Variants in DNASE1 observed in about 807,000 individuals in gnomAD.
DNASE1 encodes the protein deoxyribonuclease-1.
Under a neutral mutation model 33.9 loss-of-function variants are expected in DNASE1, and 40 were observed. The observed-to-expected ratio is 1.18, with a 90% CI of 0.92 to 1.54. DNASE1 has a LOEUF of 1.54. Among genes scored for constraint, DNASE1 ranks in the 40% most tolerant of loss-of-function variants. DNASE1 has a pLI of 0.00. For missense variants in DNASE1, 518 were observed against 372.6 expected (o/e 1.39, Z -3.21); for synonymous variants, 216 against 160.0 (o/e 1.35, Z -2.64).
intron 1 of DNASE1, among the ~76,000 whole-genome samples, chr16:3,649,148 G>A (rs1186008941): frequency 6.6e-6 from 1 of 152,206 alleles, no homozygotes; most frequent in African/African-American, 2.4e-5. Context: ...TGGATTAGAA[G>A]GGACAGAGGC....
chr16:3,662,086 T>G, downstream of DNASE1: 1 of 1,613,136 alleles, frequency 6.2e-7, no homozygotes, highest in South Asian at 1.1e-5. Context: ...AGCCCCCATC[T>G]CCAGCACGGT....
chr16:3,644,089 A>G (rs1299435532), intron 1 of DNASE1, among the ~76,000 whole-genome samples: 2 of 152,238 alleles, frequency 1.3e-5, no homozygotes, highest in Non-Finnish European at 2.9e-5. Context: ...ATTGTTTCAT[A>G]GAATTGGAAT....
chr16:3,614,237 C>T (rs2041020589), intron 1 of DNASE1, among the ~76,000 whole-genome samples: 1 of 151,286 alleles, frequency 6.6e-6, no homozygotes, highest in African/African-American at 2.4e-5. Flanking sequence ...CTAGTAGAGA[C>T]GGGGTTTCAC....
intron 1 of DNASE1, among the ~76,000 whole-genome samples, chr16:3,628,947 G>C (rs1186326230): frequency 6.7e-6 from 1 of 148,286 alleles, no homozygotes. Flanking sequence ...CGAGGCGGGC[G>C]GATCACTTGA....
At chr16:3,654,177 GCTGCC>G (rs879697594), upstream of DNASE1, 3 of 395,590 alleles carry the variant, frequency 7.6e-6, no homozygotes, top group Non-Finnish European at 1.3e-5. Context: ...GCCTTTAGCT[GCTGCC>G]CTGCCCTTGT....
chr16:3,615,604 G>T (rs1033896220), intron 1 of DNASE1, among the ~76,000 whole-genome samples: 2 of 152,216 alleles, frequency 1.3e-5, no homozygotes, highest in Non-Finnish European at 2.9e-5. Context: ...ACTAAAAGGT[G>T]CAGACAGTCC....
chr16:3,645,402 T>C (rs987928008), intron 1 of DNASE1, among the ~76,000 whole-genome samples: 1 of 152,248 alleles, frequency 6.6e-6, no homozygotes, highest in Middle Eastern at 3.2e-3. Context: ...CAGTTCGCCT[T>C]GTGGCTTTGT....
exon 10 of DNASE1, chr16:3,663,219 G>A (rs1038318313): frequency 3.5e-5 from 25 of 712,362 alleles, no homozygotes; most frequent in African/African-American, 1.8e-4. Flanking sequence ...AGAAGCCACC[G>A]TGGCAGGAGC....
chr16:3,662,690 C>T (rs566757082), downstream of DNASE1: 93 of 697,564 alleles, frequency 1.3e-4, 1 homozygote, highest in South Asian at 8.2e-4. Context: ...GAGAAAGACA[C>T]GGCCTTCCTG....
chr16:3,629,623 C>CT (rs1567191783), intron 1 of DNASE1, among the ~76,000 whole-genome samples: 1 of 152,198 alleles, frequency 6.6e-6, no homozygotes, highest in Non-Finnish European at 1.5e-5. Context: ...TTACTCTCCA[C>CT]TTTTTTGGAA....
intron 1 of DNASE1, among the ~76,000 whole-genome samples, chr16:3,618,081 A>T (rs1324690879): frequency 7.4e-6 from 1 of 134,818 alleles, no homozygotes; most frequent in Non-Finnish European, 1.5e-5. Context: ...GAAGAAGCCA[A>T]GACCAAAAAA....
At chr16:3,662,960 C>T (rs1244689018), downstream of DNASE1, 2 of 1,609,914 alleles carry the variant, frequency 1.2e-6, no homozygotes, top group Non-Finnish European at 1.7e-6. Context: ...CTGATAGGCA[C>T]TCGGCGGCTG....
upstream of DNASE1, among the ~76,000 whole-genome samples, chr16:3,650,287 A>G (rs1404674432): frequency 6.6e-6 from 1 of 152,222 alleles, no homozygotes; most frequent in Non-Finnish European, 1.5e-5. Context: ...AGTAGAAACC[A>G]CGAGTTATTA....
At chr16:3,640,950 G>A (rs1205560488), upstream of DNASE1, 32 of 398,602 alleles carry the variant, frequency 8.0e-5, no homozygotes, top group East Asian at 1.8e-4. Flanking sequence ...TGGCTCCACC[G>A]TGACTCCAGT....
downstream of DNASE1, chr16:3,661,095 T>C (rs1206478368): frequency 1.9e-4 from 29 of 152,106 alleles, no homozygotes; most frequent in Admixed American, 1.9e-3. Context: ...TACAAGTTAG[T>C]TCATATACAA....
At chr16:3,661,878 C>G (rs560086287), downstream of DNASE1, 3 of 1,379,108 alleles carry the variant, frequency 2.2e-6, no homozygotes, top group Admixed American at 5.5e-5. Flanking sequence ...CCCACATGTC[C>G]ACAGGCCTCA....
At chr16:3,629,936 C>G (rs958841110) in intron 1 of DNASE1, among the ~76,000 whole-genome samples, 2 of 152,196 alleles carry the variant, frequency 1.3e-5, no homozygotes, top group Non-Finnish European at 2.9e-5. Flanking sequence ...GCTTCAGCCT[C>G]CCAAGTAGCT....
At chr16:3,658,338 G>A (rs1207974630), downstream of DNASE1, 27 of 882,748 alleles carry the variant, frequency 3.1e-5, no homozygotes, top group South Asian at 4.9e-5. Context: ...GCAGAGGCAC[G>A]ATCTCGGCTC....
chr16:3,633,530 C>T (rs1033353954), intron 1 of DNASE1, among the ~76,000 whole-genome samples: 1 of 151,882 alleles, frequency 6.6e-6, no homozygotes, highest in African/African-American at 2.4e-5. Flanking sequence ...ATGGCTTGAA[C>T]CCGAGAGGTG....
Sources: allele counts gnomAD v4.1 joint callset (sites outside exome capture counted in the v4.1 genomes callset), GRCh38; gene constraint gnomAD v4.1.1; transcripts MANE v1.5; gene names NCBI Gene and HGNC (gene_info 2026-07-23, HGNC 2026-07-21).